Variants in VSTM4 observed in about 807,000 individuals in gnomAD.
The protein encoded by VSTM4 is V-set and transmembrane domain-containing protein 4.
A neutral mutation model predicts 36.4 loss-of-function variants in VSTM4; 20 were observed. The ratio of observed to expected loss-of-function variants is 0.55; its 90% confidence interval spans 0.39 to 0.80. The LOEUF (loss-of-function observed/expected upper bound fraction) is 0.80, where lower values mean the gene tolerates loss of function less well. Among genes scored for constraint, VSTM4 ranks in the 30% least tolerant of loss-of-function variants. The pLI is 0.00. For synonymous variants in VSTM4, 182 were observed against 173.9 expected (o/e 1.05, Z -0.37); for missense variants, 392 against 404.5 (o/e 0.97, Z 0.26).
At chr10:49,103,655 T>C (rs1844709664) in intron 2 of VSTM4, 1 of 1,545,168 alleles carries the variant, frequency 6.5e-7, no homozygotes, top group East Asian at 2.3e-5. Flanking sequence ...CTGGGCGAGG[T>C]GTTCATGACA....
In VSTM4 at chr10:49,107,616, G is replaced by A; in HGVS notation, c.435C>T (p.Gly145=). The change falls in exon 2 of 8, where the codon GGC becomes GGT. Residue 145 remains glycine (G), a synonymous_variant. Transcript: ENST00000332853. ...HRNKWTAWSN[G]SSATEMRVIS... ...CACCTCTCATTTCCGTGGCTGAGGA[G>A]CCATTGGACCAGGCCGTCCACTTGT... 1.9e-6 allele frequency: 3 copies of A among 1,608,488 alleles called. No homozygotes were observed. The highest frequency in any genetic ancestry group is 2.6e-6 in the Non-Finnish European group (3 of 1,175,512).
chr10:49,052,831 G>A (rs7896344), intron 5 of VSTM4, among the ~76,000 whole-genome samples: 56,822 of 151,954 alleles, frequency 0.37, 11,877 homozygotes, highest in African/African-American at 0.57. Context: ...TTAAGGTGGA[G>A]AACACCTGCT....
At chr10:49,111,591 A>T (rs997450201) in intron 1 of VSTM4, among the ~76,000 whole-genome samples, 1 of 152,202 alleles carries the variant, frequency 6.6e-6, no homozygotes, top group African/African-American at 2.4e-5. Context: ...CCGAAGAAGA[A>T]ATTAATTTCT....
chr10:49,103,378 A>T, intron 2 of VSTM4: 1 of 376,636 alleles, frequency 2.7e-6, no homozygotes, highest in Non-Finnish European at 3.7e-6. Context: ...TTTAAATTTT[A>T]ATTTGCATAA....
chr10:49,044,746 GGTGCTTTATGT>G (rs144942422), intron 7 of VSTM4, among the ~76,000 whole-genome samples: 1,678 of 152,198 alleles, frequency 0.011, 19 homozygotes, highest in Non-Finnish European at 0.018. Context: ...CCTTCATGTT[GGTGCTTTATGT>G]GTCTCGTTTA....
intron 2 of VSTM4, among the ~76,000 whole-genome samples, chr10:49,087,913 ATATATATACATATGTAATATATATG>A (rs1277112489): frequency 1.6e-4 from 23 of 147,146 alleles, no homozygotes; most frequent in African/African-American, 4.7e-4. Context: ...TTATATATGT[ATATATATACATATGTAATATATATG>A]TATATATACA....
At chr10:49,113,201 T>C (rs1257501130) in intron 1 of VSTM4, among the ~76,000 whole-genome samples, 1 of 152,192 alleles carries the variant, frequency 6.6e-6, no homozygotes, top group East Asian at 1.9e-4. Context: ...AGCTTTCTTA[T>C]TAAAAGAATA....
At chr10:49,079,557 C>T (rs569533307) in intron 3 of VSTM4, among the ~76,000 whole-genome samples, 6 of 152,308 alleles carry the variant, frequency 3.9e-5, no homozygotes, top group African/African-American at 1.4e-4. Flanking sequence ...CTTTCTACAA[C>T]CAACAGACAT....
At chr10:49,092,738 A>G (rs1357422763) in intron 2 of VSTM4, among the ~76,000 whole-genome samples, 2 of 152,178 alleles carry the variant, frequency 1.3e-5, no homozygotes, top group Non-Finnish European at 2.9e-5. Flanking sequence ...CTGGGCCTAT[A>G]AAAAGTTGAG....
At chr10:49,091,300 T>C (rs1414227061) in intron 2 of VSTM4, among the ~76,000 whole-genome samples, 1 of 152,182 alleles carries the variant, frequency 6.6e-6, no homozygotes, top group African/African-American at 2.4e-5. Flanking sequence ...CAGGCCACTC[T>C]GGGGCCTCCC....
At chr10:49,088,160 C>T (rs1476180493) in intron 2 of VSTM4, among the ~76,000 whole-genome samples, 2 of 151,980 alleles carry the variant, frequency 1.3e-5, no homozygotes, top group East Asian at 3.9e-4. Flanking sequence ...TGAGAGGTTG[C>T]CTTGATCACA....
At chr10:49,060,695 C>T (rs947509111) in intron 5 of VSTM4, among the ~76,000 whole-genome samples, 7 of 152,084 alleles carry the variant, frequency 4.6e-5, no homozygotes, top group East Asian at 1.9e-4. Flanking sequence ...TTTTTAATTA[C>T]ATCAATTCTT....
At chr10:49,101,921 A>G (rs1844672318) in intron 2 of VSTM4, among the ~76,000 whole-genome samples, 1 of 152,202 alleles carries the variant, frequency 6.6e-6, no homozygotes, top group South Asian at 2.1e-4. Flanking sequence ...TAATATCACC[A>G]ACAACTTATA....
At chr10:49,043,481 A>C (rs1316519025) in intron 7 of VSTM4, among the ~76,000 whole-genome samples, 1 of 152,212 alleles carries the variant, frequency 6.6e-6, no homozygotes, top group Admixed American at 6.5e-5. Flanking sequence ...AAGTTCAGAG[A>C]AATGCATTAT....
chr10:49,053,672 T>G (rs763777807), intron 5 of VSTM4, among the ~76,000 whole-genome samples: 1 of 152,246 alleles, frequency 6.6e-6, no homozygotes, highest in Non-Finnish European at 1.5e-5. Flanking sequence ...GGGAGGATGA[T>G]GTTGCCACTT....
intron 4 of VSTM4, among the ~76,000 whole-genome samples, chr10:49,067,885 A>C (rs1388933503): frequency 6.6e-6 from 1 of 152,180 alleles, no homozygotes; most frequent in Non-Finnish European, 1.5e-5. Flanking sequence ...CCGAAATCCG[A>C]AGATGCTCAA....
intron 5 of VSTM4, among the ~76,000 whole-genome samples, chr10:49,051,305 T>C (rs1843693861): frequency 6.6e-6 from 1 of 152,110 alleles, no homozygotes; most frequent in East Asian, 1.9e-4. Flanking sequence ...TGATACAATA[T>C]ATAGCCTTTT....
intron 7 of VSTM4, among the ~76,000 whole-genome samples, chr10:49,029,366 C>T (rs1843311519): frequency 1.3e-5 from 2 of 152,166 alleles, no homozygotes; most frequent in Non-Finnish European, 2.9e-5. Context: ...CCAGAAGTGG[C>T]TTTGGGAGGT....
chr10:49,076,616 G>A (rs1469306742), intron 4 of VSTM4, among the ~76,000 whole-genome samples: 4 of 152,220 alleles, frequency 2.6e-5, no homozygotes, highest in Admixed American at 1.3e-4. Flanking sequence ...AGACTCTCGA[G>A]AAATCAGGCA....
Sources: allele counts gnomAD v4.1 joint callset (sites outside exome capture counted in the v4.1 genomes callset), GRCh38; gene constraint gnomAD v4.1.1; transcripts MANE v1.5; gene names NCBI Gene and HGNC (gene_info 2026-07-23, HGNC 2026-07-21).